Variants in VLDLR observed in about 807,000 individuals in gnomAD.
VLDLR encodes the protein very low density lipoprotein receptor.
Under a neutral mutation model 112.7 loss-of-function variants are expected in VLDLR, and 81 were observed. The observed-to-expected ratio is 0.72, with a 90% confidence interval of 0.60 to 0.86. The LOEUF is 0.86. VLDLR is among the 40% of genes least tolerant of loss of function. VLDLR has a pLI of 0.00. For synonymous variants in VLDLR, 436 were observed against 384.8 expected (o/e 1.13, Z -1.56); for missense variants, 1,237 against 1,099.4 (o/e 1.13, Z -1.77).
intron 2 of VLDLR, among the ~76,000 whole-genome samples, chr9:2,636,078 AT>A (rs1176500275): frequency 6.6e-6 from 1 of 152,184 alleles, no homozygotes; most frequent in Non-Finnish European, 1.5e-5. Flanking sequence ...ATTCTAAAGC[AT>A]TAGCAGGGCG....
At chr9:2,640,939 A>G (rs556449665) in intron 3 of VLDLR, among the ~76,000 whole-genome samples, 2 of 152,360 alleles carry the variant, frequency 1.3e-5, no homozygotes, top group East Asian at 3.9e-4. Flanking sequence ...GACATTGTGA[A>G]GGAGGCCCAT....
At chr9:2,645,550 G>A in intron 9 of VLDLR, 24 bp from the exon 10 acceptor site, 1 of 1,614,148 alleles carries the variant, frequency 6.2e-7, no homozygotes, top group African/African-American at 1.3e-5. Flanking sequence ...GCAAAACTAA[G>A]TAACCCAGAC....
Position 2,656,710 on chromosome 9 carries a change from A to G in VLDLR, c.*2842A>G, listed in dbSNP as rs1276044494. ...CACACAAAGTGAAAGTGGACCCTCC[A>G]GAAATTTTAGGAATTGCCACAAAGA... On this transcript the variant is annotated 3_prime_UTR_variant, in exon 19 of 19. Coordinates refer to ENST00000382100, the MANE Select transcript of VLDLR (RefSeq NM_003383.5). 6.6e-6 allele frequency: 1 copy of G among 152,178 alleles called. No individual in the cohort carries two copies. The highest frequency in any genetic ancestry group is 1.5e-5 in the Non-Finnish European group (1 of 67,996). 9.4% of individuals were successfully genotyped at this position (152,178 alleles called of 1,614,324 possible).
intron 14 of VLDLR, among the ~76,000 whole-genome samples, chr9:2,650,031 C>G (rs752165789): frequency 2.6e-5 from 4 of 152,214 alleles, no homozygotes; most frequent in Admixed American, 6.5e-5. Context: ...CATGCCTAGT[C>G]TCCTTTCTCT....
intron 10 of VLDLR, 99 bp downstream of exon 10, chr9:2,645,844 C>T: frequency 7.1e-7 from 1 of 1,416,004 alleles, no homozygotes; most frequent in Non-Finnish European, 9.9e-7. Context: ...GTGTCTAGCC[C>T]CATCTAGCAT....
chr9:2,653,179 A>G (rs1184322993), intron 18 of VLDLR, among the ~76,000 whole-genome samples: 4 of 152,154 alleles, frequency 2.6e-5, no homozygotes, highest in African/African-American at 9.7e-5. Flanking sequence ...CCACTATATT[A>G]AGATATTTTT....
chr9:2,645,665 A>G lies in VLDLR; in HGVS notation c.1404A>G (p.Leu468=). 6.2e-7 allele frequency: 1 copy of G among 1,614,220 alleles called. No individual in the cohort carries two copies. Among genetic ancestry groups the G allele is most frequent in the Non-Finnish European group, 8.5e-7 (1 of 1,180,026 alleles). The change falls in exon 10 of 19, where the codon CTA becomes CTG. Residue 468 remains leucine (L), a synonymous_variant. Coordinates refer to ENST00000382100, the MANE Select transcript of VLDLR (RefSeq NM_003383.5). ...RKEYIQLVEQ[L]RNTVALDADI... The stretch of plus-strand genomic sequence containing the variant: ...AATATATCCAACTAGTTGAACAGCT[A>G]AGAAACACTGTGGCTCTCGATGCTG...
chr9:2,652,835 C>T lies in VLDLR; in HGVS notation c.2472C>T (p.His824=). Residue 824 remains histidine, a synonymous_variant, in exon 18 of 19, where the codon CAC becomes CAT. Transcript: ENST00000382100. ...ACTTGATGTGGCGGAATTGGCAACA[C>T]AAGAACATGAAAAGCATGAACTTTG... is the stretch of plus-strand genomic sequence containing the variant. ...GGYLMWRNWQ[H]KNMKSMNFDN... 1 of 1,614,120 alleles carries T rather than the reference C, an allele frequency of 6.2e-7. No homozygotes were observed. The highest frequency in any genetic ancestry group is 2.2e-5 in the East Asian group (1 of 44,884).
At position 2,643,446 on chromosome 9, in the gene VLDLR, G is replaced by T. The variant is rs921994719; in HGVS notation, c.735G>T (p.Gln245His). ...CCAAGTGTCCAGCCAGCGAAATCCA[G>T]TGCGGCTCTGGCGAGTGCATCCATA... Reference protein sequence around the residue: ...IHTKCPASEIQCGSGECIHKK... With the variant: ...IHTKCPASEIHCGSGECIHKK... Residue 245 changes from glutamine (Q) to histidine (H), a missense_variant, in exon 5 of 19, where the codon CAG becomes CAT. Gln to His is a conservative substitution (Grantham distance 24). Transcript: ENST00000382100. 6.2e-6 allele frequency: 10 copies of T among 1,614,112 alleles called. No homozygotes were observed. Among genetic ancestry groups the T allele is most frequent in the South Asian group, 1.1e-5 (1 of 91,092 alleles).
Position 2,658,285 on chromosome 9 carries a change from C to T in VLDLR, c.*4417C>T, listed in dbSNP as rs1428260340. 1 of 152,216 alleles carries T rather than the reference C, an allele frequency of 6.6e-6. No homozygotes were observed. The highest frequency in any genetic ancestry group is 1.5e-5 in the Non-Finnish European group (1 of 68,054). The allele number at this position is 152,216 out of a possible 1,614,324, so 9.4% of individuals were successfully genotyped here. A position where few individuals can be genotyped will look rare whatever the true frequency, so the allele number is the denominator to read the frequency against. The stretch of plus-strand genomic sequence containing the variant: ...CTGATAACAGTGGTGTTCCATCTCT[C>T]TATCATGTCTCCTGAGTCCGTTTCA... On this transcript the variant is annotated 3_prime_UTR_variant, in exon 19 of 19. Transcript: ENST00000382100.
intron 1 of VLDLR, among the ~76,000 whole-genome samples, chr9:2,628,998 T>C (rs1456071856): frequency 6.6e-6 from 1 of 152,228 alleles, no homozygotes; most frequent in Non-Finnish European, 1.5e-5. Context: ...GTAGAAGCTG[T>C]AGCTTCTTAA....
At position 2,650,442 on chromosome 9, in the gene VLDLR, A is replaced by G. The variant is rs1563766266; in HGVS notation, c.2177A>G (p.Asn726Ser). Residue 726 changes from asparagine to serine, a missense_variant, in exon 15 of 19, where the codon AAT becomes AGT. Physicochemically the swap from Asn to Ser is conservative, Grantham distance 46. Coordinates refer to ENST00000382100, the MANE Select transcript of VLDLR (RefSeq NM_003383.5). ...CTATGCCTGCCAGCACCACAGATTA[A>G]TGATCACTCTCCAAAATATACCTGT... The part of the protein sequence containing the change: ...EYLCLPAPQI[N>S]DHSPKYTCSC... 6.2e-7 allele frequency: 1 copy of G among 1,614,052 alleles called. No individual in the cohort carries two copies. Among genetic ancestry groups the G allele is most frequent in the Non-Finnish European group, 8.5e-7 (1 of 1,180,044 alleles).
At chr9:2,644,073 T>A in intron 7 of VLDLR, 114 bp downstream of exon 7, 4 of 1,475,022 alleles carry the variant, frequency 2.7e-6, no homozygotes, top group Admixed American at 1.8e-5. Flanking sequence ...GTACTGAAGT[T>A]CAATTGTAGA....
At chr9:2,627,779 C>A (rs539668703) in intron 1 of VLDLR, among the ~76,000 whole-genome samples, 3 of 151,190 alleles carry the variant, frequency 2.0e-5, no homozygotes, top group African/African-American at 4.9e-5. Context: ...GCAGGAGAAT[C>A]GCTTGAACCC....
Position 2,647,851 on chromosome 9 carries a change from C to T in VLDLR, c.1822+259C>T, listed in dbSNP as rs551488297. 2.4e-5 allele frequency: 14 copies of T among 588,350 alleles called. No homozygotes were observed. The South Asian group carries it at 2.8e-4, about 12-fold the overall frequency. The allele number at this position is 588,350 out of a possible 1,614,324, so 36.4% of individuals were successfully genotyped here. ...GTGAACGTTGGGTCTTGGGTGCACT[C>T]ATACTAAATATTCTGGGCATGAGTG... On this transcript the variant is annotated intron_variant, in intron 12 of 18. Transcript: ENST00000382100.
chr9:2,648,106 G>A, intron 12 of VLDLR, 102 bp from the exon 13 acceptor site: 1 of 1,523,128 alleles, frequency 6.6e-7, no homozygotes, highest in Non-Finnish European at 9.0e-7. Context: ...AACCCTGCTG[G>A]GGAAAGAACC....
chr9:2,643,806 T>G (rs1817935866), intron 6 of VLDLR, 31 bp from the exon 7 acceptor site: 2 of 1,614,086 alleles, frequency 1.2e-6, no homozygotes, highest in African/African-American at 2.7e-5. Flanking sequence ...GACCCACTCA[T>G]GGAATCTCTC....
rs1241303153 is a variant in VLDLR, at chr9:2,643,450, G to A, written c.739G>A (p.Gly247Ser). The change falls in exon 5 of 19, where the codon GGC becomes AGC. Residue 247 changes from glycine (G) to serine (S), a missense_variant. By Grantham distance (56) the Gly-to-Ser change is moderately conservative. Coordinates refer to ENST00000382100, the MANE Select transcript of VLDLR (RefSeq NM_003383.5). ...TKCPASEIQC[G>S]SGECIHKKWR... ...GTGTCCAGCCAGCGAAATCCAGTGC[G>A]GCTCTGGCGAGTGCATCCATAAGAA... is the stretch of plus-strand genomic sequence containing the variant. 16 of 1,614,076 alleles carry A rather than the reference G, an allele frequency of 9.9e-6. No homozygotes were observed. Among genetic ancestry groups the A allele is most frequent in the Middle Eastern group, 1.6e-4 (1 of 6,084 alleles).
At chr9:2,632,988 T>C (rs955803748) in intron 1 of VLDLR, among the ~76,000 whole-genome samples, 11 of 151,584 alleles carry the variant, frequency 7.3e-5, no homozygotes, top group African/African-American at 2.7e-4. Flanking sequence ...AGGGACATTT[T>C]AGTAGCACAC....
Sources: gnomAD v4.1 joint callset for allele counts (sites outside exome capture counted in the v4.1 genomes callset) on GRCh38, gnomAD v4.1.1 for gene constraint, MANE v1.5 for transcripts, NCBI Gene and HGNC (gene_info 2026-07-23, HGNC 2026-07-21) for gene names.